Variants in KSR1 observed in about 807,000 individuals in gnomAD.
KSR1 encodes kinase suppressor of ras.
Under a neutral mutation model 92.9 loss-of-function variants are expected in KSR1, and 35 were observed. The observed-to-expected ratio is 0.38, with a 90% confidence interval of 0.29 to 0.50. KSR1 has a LOEUF of 0.50. Ranked by LOEUF, KSR1 falls within the 20% of genes least tolerant of loss-of-function variation. The pLI, the probability that KSR1 is intolerant of heterozygous loss-of-function variation, is 0.94. For missense variants in KSR1, 972 were observed against 1,158.5 expected (o/e 0.84, Z 2.34); for synonymous variants, 467 against 472.6 (o/e 0.99, Z 0.15).
Position 27,577,745 on chromosome 17 carries a change from T to A in KSR1, c.520+106T>A. The A allele has an allele frequency of 1.0e-6, 1 of 954,946 alleles. No individual in the cohort carries two copies. Among genetic ancestry groups the A allele is most frequent in the Non-Finnish European group, 1.6e-6 (1 of 616,360 alleles). 59.2% of individuals were successfully genotyped at this position (954,946 alleles called of 1,614,324 possible). A position where few individuals can be genotyped will look rare whatever the true frequency, so the allele number is the denominator to read the frequency against. The stretch of plus-strand genomic sequence containing the variant: ...CGGGGCAAGCGTGGCCCAGGGTTTC[T>A]GGGGCAGCCTGGAAAGGCCAGGGTT... On this transcript the variant is annotated intron_variant, in intron 3 of 20. Coordinates refer to ENST00000644974, the MANE Select transcript of KSR1 (RefSeq NM_001394583.1). The surrounding 1 kb of genome is among the most constrained non-coding windows in gnomAD (Gnocchi z 4.5).
intron 2 of KSR1, among the ~76,000 whole-genome samples, chr17:27,574,188 C>T (rs1242043594): frequency 6.6e-6 from 1 of 152,194 alleles, no homozygotes; most frequent in Non-Finnish European, 1.5e-5. Flanking sequence ...CTGACGGTAT[C>T]GCCAAGGTGC....
intron 10 of KSR1, among the ~76,000 whole-genome samples, chr17:27,600,700 C>G (rs1157966205): frequency 2.6e-5 from 4 of 152,138 alleles, no homozygotes; most frequent in Non-Finnish European, 4.4e-5. Flanking sequence ...TTTTCCCACT[C>G]CATTATAATT....
intron 1 of KSR1, among the ~76,000 whole-genome samples, chr17:27,545,310 C>T (rs1232550099): frequency 1.3e-5 from 2 of 152,190 alleles, no homozygotes; most frequent in East Asian, 1.9e-4. Flanking sequence ...GTTTGTTTTT[C>T]GCTGCCATTT....
chr17:27,515,887 G>A (rs115909199), intron 1 of KSR1, among the ~76,000 whole-genome samples: 2,999 of 152,176 alleles, frequency 0.02, 94 homozygotes, highest in African/African-American at 0.067. Context: ...TGGCCTATCA[G>A]ATAAAAGAAT....
chr17:27,559,714 A>T lies in KSR1; in HGVS notation c.372+9006A>T, dbSNP rs2071743763. 6.6e-6 allele frequency among the ~76,000 whole-genome samples: 1 copy of T among 152,228 alleles called. No homozygotes were observed. Among genetic ancestry groups the T allele is most frequent in the African/African-American group, 2.4e-5 (1 of 41,468 alleles). ...TCTGTTGGAGCCAGTGGGCCAACTCATCCTGGGTAGTCAGGGAAAGACGGA... is the reference window on the plus strand; with the variant it reads ...TCTGTTGGAGCCAGTGGGCCAACTCTTCCTGGGTAGTCAGGGAAAGACGGA... On this transcript the variant is annotated intron_variant, in intron 2 of 20. Coordinates refer to ENST00000644974, the MANE Select transcript of KSR1 (RefSeq NM_001394583.1). This position sits in a 1 kb window ranked among gnomAD's most constrained non-coding sequence, Gnocchi z 4.2.
intron 1 of KSR1, among the ~76,000 whole-genome samples, chr17:27,464,457 A>G (rs2019585832): frequency 6.6e-6 from 1 of 152,164 alleles, no homozygotes. Context: ...GTTCATGCGC[A>G]TGGCCAGGTG....
intron 1 of KSR1, among the ~76,000 whole-genome samples, chr17:27,520,080 T>C (rs2069961179): frequency 6.6e-6 from 1 of 152,196 alleles, no homozygotes; most frequent in Non-Finnish European, 1.5e-5. Context: ...GCACCCTTTA[T>C]ACCGAATGAA....
chr17:27,566,374 C>T, intron 2 of KSR1: 1 of 398,862 alleles, frequency 2.5e-6, no homozygotes, highest in Non-Finnish European at 4.4e-6. Flanking sequence ...AAAACAGAAA[C>T]CCCTCTCCCT....
At position 27,604,981 on chromosome 17, in the gene KSR1, A is replaced by G. The variant is rs529881321; in HGVS notation, c.1614+253A>G. ...CAAGAACCACTGCCTTGACCCTTGA[A>G]CAAAAGTGTCAGCCAAGGCTGGATC... On this transcript the variant is annotated intron_variant, in intron 13 of 20. Coordinates refer to ENST00000644974, the MANE Select transcript of KSR1 (RefSeq NM_001394583.1). Among the ~76,000 whole-genome samples the G allele has an allele frequency of 4.6e-5, 7 of 152,352 alleles. No homozygotes were observed. The South Asian group carries it at 1.2e-3, about 27-fold the overall frequency.
intron 1 of KSR1, among the ~76,000 whole-genome samples, chr17:27,490,484 A>T (rs182397208): frequency 7.3e-4 from 111 of 152,220 alleles, no homozygotes; most frequent in African/African-American, 2.5e-3. Flanking sequence ...CCCGAGTGAA[A>T]TCTTACATGG....
chr17:27,580,860 G>A (rs188368862), intron 3 of KSR1, among the ~76,000 whole-genome samples: 2,144 of 152,176 alleles, frequency 0.014, 25 homozygotes, highest in Middle Eastern at 0.065. Flanking sequence ...TCTGCCTCCC[G>A]GGTTCAAGCG....
chr17:27,557,124 G>C (rs1054107497), intron 2 of KSR1, among the ~76,000 whole-genome samples: 3 of 152,300 alleles, frequency 2.0e-5, no homozygotes, highest in East Asian at 3.9e-4. Flanking sequence ...CCTGGCCCAG[G>C]GGGTGGGGAT....
intron 1 of KSR1, among the ~76,000 whole-genome samples, chr17:27,534,757 G>A (rs967932600): frequency 3.3e-5 from 5 of 152,192 alleles, no homozygotes; most frequent in East Asian, 1.9e-4. Context: ...GGATAACTGC[G>A]TTGTCTTTAG....
At chr17:27,505,097 C>T (rs1330950106) in intron 1 of KSR1, among the ~76,000 whole-genome samples, 2 of 152,154 alleles carry the variant, frequency 1.3e-5, no homozygotes, top group Non-Finnish European at 2.9e-5. Context: ...GGGACGGGAG[C>T]CCTGGGACAG....
intron 4 of KSR1, among the ~76,000 whole-genome samples, chr17:27,584,347 T>C (rs566608080): frequency 1.2e-4 from 18 of 152,276 alleles, no homozygotes; most frequent in African/African-American, 4.1e-4. Flanking sequence ...GGGTCCTTTA[T>C]GGGATGGAGC....
intron 6 of KSR1, 28 bp downstream of exon 6, chr17:27,588,563 C>G (rs751560550): frequency 1.0e-5 from 16 of 1,569,200 alleles, no homozygotes; most frequent in Admixed American, 3.7e-5. Flanking sequence ...GGAGGGGGAG[C>G]AGGGCACAGC....
intron 16 of KSR1, among the ~76,000 whole-genome samples, 191 bp downstream of exon 16, chr17:27,609,520 A>G (rs561195524): frequency 5.2e-4 from 79 of 152,272 alleles, no homozygotes; most frequent in African/African-American, 1.9e-3. Flanking sequence ...TCTCAGGCCG[A>G]CTTCCACGGA....
At chr17:27,523,305 A>G (rs1259464542) in intron 1 of KSR1, among the ~76,000 whole-genome samples, 1 of 152,144 alleles carries the variant, frequency 6.6e-6, no homozygotes, top group Non-Finnish European at 1.5e-5. Flanking sequence ...ACTTACATGA[A>G]TCAGCCCGAC....
chr17:27,555,362 C>T (rs902156282), intron 2 of KSR1, among the ~76,000 whole-genome samples: 2 of 152,196 alleles, frequency 1.3e-5, no homozygotes, highest in African/African-American at 2.4e-5. Context: ...TCAGTATAGG[C>T]TCATGTCTTT....
Sources: gnomAD v4.1 joint callset for allele counts (sites outside exome capture counted in the v4.1 genomes callset) on GRCh38, gnomAD v4.1.1 for gene constraint, Gnocchi (gnomAD v3.1) non-coding constraint, MANE v1.5 for transcripts, NCBI Gene and HGNC (gene_info 2026-07-23, HGNC 2026-07-21) for gene names.